The following SLC4A7 variants were observed in gnomAD, a reference collection of about 807,000 sequenced individuals.
SLC4A7 encodes sodium bicarbonate cotransporter 3.
SLC4A7 carries 51 observed loss-of-function variants against 137.6 expected under a neutral mutation model. The observed-to-expected ratio is 0.37, with a 90% CI of 0.30 to 0.47. The LOEUF (loss-of-function observed/expected upper bound fraction) is 0.47, where lower values mean the gene tolerates loss of function less well. Ranked by LOEUF, SLC4A7 falls within the 20% of genes least tolerant of loss-of-function variation. SLC4A7 has a pLI of 1.00. For missense variants in SLC4A7, 1,247 were observed against 1,525.4 expected (o/e 0.82, Z 3.04); for synonymous variants, 542 against 518.6 (o/e 1.05, Z -0.61).
intron 3 of SLC4A7, among the ~76,000 whole-genome samples, chr3:27,438,958 T>C (rs566329512): frequency 1.3e-5 from 2 of 152,308 alleles, no homozygotes; most frequent in South Asian, 4.1e-4. Context: ...ACTACTTGTG[T>C]AGTATAGGAA....
intron 3 of SLC4A7, among the ~76,000 whole-genome samples, chr3:27,446,229 C>T (rs1376059282): frequency 6.6e-6 from 1 of 151,398 alleles, no homozygotes; most frequent in Non-Finnish European, 1.5e-5. Flanking sequence ...TGGAAAACAG[C>T]CCCCAAATAG....
chr3:27,455,046 C>CA (rs954766834), intron 1 of SLC4A7, among the ~76,000 whole-genome samples: 1 of 151,074 alleles, frequency 6.6e-6, no homozygotes, highest in Non-Finnish European at 1.5e-5. Flanking sequence ...TCATGGTCTA[C>CA]ACAGGCTGCT....
At chr3:27,456,277 T>C (rs1192584200) in intron 1 of SLC4A7, among the ~76,000 whole-genome samples, 1 of 152,200 alleles carries the variant, frequency 6.6e-6, no homozygotes, top group Non-Finnish European at 1.5e-5. Context: ...CCTAAAGTAA[T>C]GCCTCCCATA....
At chr3:27,474,361 G>C (rs1329455888) in intron 1 of SLC4A7, among the ~76,000 whole-genome samples, 1 of 152,182 alleles carries the variant, frequency 6.6e-6, no homozygotes, top group African/African-American at 2.4e-5. Context: ...TTTAAAAACA[G>C]TATAAAGCTA....
intron 22 of SLC4A7, among the ~76,000 whole-genome samples, chr3:27,386,584 G>A (rs1376143815): frequency 6.6e-6 from 1 of 151,876 alleles, no homozygotes; most frequent in Non-Finnish European, 1.5e-5. Flanking sequence ...TATGACTTTT[G>A]TTTATGCATT....
At position 27,380,135 on chromosome 3, in the gene SLC4A7, C is replaced by T. The variant is rs573128631; in HGVS notation, c.3591-779G>A. Among the ~76,000 whole-genome samples the T allele has an allele frequency of 5.3e-5, 8 of 152,100 alleles. No homozygotes were observed. In the South Asian group the frequency reaches 6.2e-4, roughly 12 times the overall value. On this transcript the variant is annotated intron_variant, in intron 24 of 25. Transcript: ENST00000454389. ...CAGCCTGGCCAACCTAGTGAAACCC[C>T]GTCTTTGCTAAAAATATAAAAATTA...
intron 3 of SLC4A7, among the ~76,000 whole-genome samples, chr3:27,439,593 C>G (rs571367110): frequency 6.6e-6 from 1 of 152,214 alleles, no homozygotes; most frequent in Admixed American, 6.5e-5. Context: ...ATCCTGGGAC[C>G]TGCTAAACTC....
At chr3:27,451,200 C>T (rs1043297342) in intron 2 of SLC4A7, among the ~76,000 whole-genome samples, 1 of 151,634 alleles carries the variant, frequency 6.6e-6, no homozygotes, top group African/African-American at 2.4e-5. Context: ...AAAACATTTA[C>T]AACATAAATC....
At position 27,437,374 on chromosome 3, in the gene SLC4A7, CT is replaced by C; in HGVS notation, c.428+13del. 6.5e-7 allele frequency: 1 copy of C among 1,528,064 alleles called. No homozygotes were observed. Among genetic ancestry groups the C allele is most frequent in the Non-Finnish European group, 8.8e-7 (1 of 1,138,684 alleles). 94.7% of individuals were successfully genotyped at this position (1,528,064 alleles called of 1,614,324 possible). A position where few individuals can be genotyped will look rare whatever the true frequency, so the allele number is the denominator to read the frequency against. Reference sequence around the variant, plus strand: ...CTCAAAAAAAAAAAAGAGAGAGAGACTTAGCAGTATTACCTAGCAGTTTCTT... The same window carrying C: ...CTCAAAAAAAAAAAAGAGAGAGAGACTAGCAGTATTACCTAGCAGTTTCTT... On this transcript the variant is annotated intron_variant, in intron 4 of 25. Transcript: ENST00000454389.
At chr3:27,429,430 ACT>A (rs1559744092) in intron 7 of SLC4A7, among the ~76,000 whole-genome samples, 7 of 152,232 alleles carry the variant, frequency 4.6e-5, no homozygotes, top group Admixed American at 1.3e-4. Flanking sequence ...ACAATGGACA[ACT>A]AAAATCTATT....
chr3:27,431,466 G>T lies in SLC4A7; in HGVS notation c.982C>A (p.Leu328Met). 6.2e-7 allele frequency: 1 copy of T among 1,614,180 alleles called. No individual in the cohort carries two copies. Among genetic ancestry groups the T allele is most frequent in the South Asian group, 1.1e-5 (1 of 91,074 alleles). ...CTCTCTTGGGAACTTCTGGAGGTCAGGCGGCTGATGCTAGGGCTAGAAGGA... is the reference window on the plus strand; with the variant it reads ...CTCTCTTGGGAACTTCTGGAGGTCATGCGGCTGATGCTAGGGCTAGAAGGA... ...SPPSSPSISR[L>M]TSRSSQESQR... Residue 328 changes from leucine (L) to methionine (M), a missense_variant, in exon 7 of 26, where the codon CTG becomes ATG. Leu to Met is a conservative substitution (Grantham distance 15, BLOSUM62 2). Coordinates refer to ENST00000454389, the MANE Select transcript of SLC4A7 (RefSeq NM_001321103.2).
rs1314878847 is a variant in SLC4A7, at chr3:27,397,815, T to A, written c.2590-18A>T. ...GATCGCACCTATGTTAAAGGGATTA[T>A]GTTAATATAAACACAGAAATACTAT... On this transcript the variant is annotated intron_variant, in intron 17 of 25. Coordinates refer to ENST00000454389, the MANE Select transcript of SLC4A7 (RefSeq NM_001321103.2). 7.4e-7 allele frequency: 1 copy of A among 1,351,784 alleles called. No individual in the cohort carries two copies. Among genetic ancestry groups the A allele is most frequent in the South Asian group, 1.2e-5 (1 of 80,510 alleles). The allele number at this position is 1,351,784 out of a possible 1,614,324, so 83.7% of individuals were successfully genotyped here.
chr3:27,452,380 C>A, intron 2 of SLC4A7, 37 bp downstream of exon 2: 1 of 1,297,852 alleles, frequency 7.7e-7, no homozygotes, highest in Non-Finnish European at 1.1e-6. Context: ...AGTAAATTAT[C>A]CTACTAAGCG....
In SLC4A7 at chr3:27,452,418, T is replaced by C; in HGVS notation, c.141A>G (p.Glu47=). ...GTAAGTTATTTTAAACCAACTTACTTTCTAGTTCTTCTTTTTCAAACTTGG... is the reference window on the plus strand; with the variant it reads ...GTAAGTTATTTTAAACCAACTTACTCTCTAGTTCTTCTTTTTCAAACTTGG... ...VNTKFEKEEL[E]SHRAVYIGVH... Residue 47 remains glutamate (E), a splice_region_variant and synonymous_variant, in exon 2 of 26, where the codon GAA becomes GAG. Coordinates refer to ENST00000454389, the MANE Select transcript of SLC4A7 (RefSeq NM_001321103.2). 6.3e-7 allele frequency: 1 copy of C among 1,594,338 alleles called. No homozygotes were observed. Among genetic ancestry groups the C allele is most frequent in the South Asian group, 1.1e-5 (1 of 88,130 alleles).
Position 27,398,304 on chromosome 3 carries a change from T to C in SLC4A7, c.2477A>G (p.His826Arg), listed in dbSNP as rs751536196. The C allele has an allele frequency of 2.5e-6, 4 of 1,612,796 alleles. No individual in the cohort carries two copies. In the East Asian group the frequency reaches 6.7e-5, roughly 27 times the overall value. ...GAGCACATCTGGAATATAAGGTCCATGATGACCACAAGCTGACCCCAAGAA... is the reference window on the plus strand; with the variant it reads ...GAGCACATCTGGAATATAAGGTCCACGATGACCACAAGCTGACCCCAAGAA... ...GVFLGSACGH[H>R]GPYIPDVLFW... The change falls in exon 17 of 26, where the codon CAT becomes CGT. Residue 826 changes from histidine to arginine, a missense_variant. Coordinates refer to ENST00000454389, the MANE Select transcript of SLC4A7 (RefSeq NM_001321103.2).
chr3:27,448,764 G>A lies in SLC4A7; in HGVS notation c.176C>T (p.Pro59Leu). 7 of 1,612,950 alleles carry A rather than the reference G, an allele frequency of 4.3e-6. No individual in the cohort carries two copies. The highest frequency in any genetic ancestry group is 1.3e-5 in the African/African-American group (1 of 74,924). Reference protein sequence around the residue: ...HRAVYIGVHVPFSKESRRRHR... With the variant: ...HRAVYIGVHVLFSKESRRRHR... The stretch of plus-strand genomic sequence containing the variant: ...ACGCCGACGACTCTCTTTACTAAAC[G>A]GGACGTGAACACCAATATATACAGC... The change falls in exon 3 of 26, where the codon CCG (proline) becomes CTG (leucine). Residue 59 changes from proline (P) to leucine (L), a missense_variant. By Grantham distance (98) the Pro-to-Leu change is moderately conservative. This residue lies in a region of SLC4A7 where 176 missense variants were observed against 186.4 expected (regional missense o/e 0.94). Transcript: ENST00000454389.
At chr3:27,466,437 G>A (rs1394752107) in intron 1 of SLC4A7, among the ~76,000 whole-genome samples, 6 of 144,524 alleles carry the variant, frequency 4.2e-5, no homozygotes, top group Non-Finnish European at 9.0e-5. Flanking sequence ...GGGCGACAGC[G>A]AGACTCCGTC....
chr3:27,483,872 G>A (rs1457141433), intron 1 of SLC4A7, among the ~76,000 whole-genome samples, 195 bp downstream of exon 1: 1 of 151,022 alleles, frequency 6.6e-6, no homozygotes, highest in Non-Finnish European at 1.5e-5. Context: ...GAGCGCAGCC[G>A]CTGGCCCCCT....
intron 13 of SLC4A7, among the ~76,000 whole-genome samples, chr3:27,405,848 C>CT (rs1256850510): frequency 4.6e-5 from 7 of 152,026 alleles, no homozygotes; most frequent in Non-Finnish European, 1.0e-4. Context: ...AAATGAAAGA[C>CT]TAAGAGAATT....
Sources: gnomAD v4.1 joint callset for allele counts (sites outside exome capture counted in the v4.1 genomes callset) on GRCh38, gnomAD v4.1.1 for gene constraint, gnomAD v4.1.1 regional missense constraint, MANE v1.5 for transcripts, NCBI Gene and HGNC (gene_info 2026-07-23, HGNC 2026-07-21) for gene names.